Variants in STPG2 observed in about 807,000 individuals in gnomAD.
STPG2 encodes the protein sperm tail PG-rich repeat containing 2.
Under a neutral mutation model 54.2 loss-of-function variants are expected in STPG2, and 56 were observed. The ratio of observed to expected loss-of-function variants is 1.03; its 90% CI spans 0.83 to 1.29. The LOEUF (loss-of-function observed/expected upper bound fraction) is 1.29, where lower values mean the gene tolerates loss of function less well. STPG2 is among the 50% of genes most tolerant of loss of function. STPG2 has a pLI of 0.00. For synonymous variants in STPG2, 200 were observed against 181.8 expected, an observed-to-expected ratio of 1.10 and a Z score of -0.81; for missense variants, 596 against 544.9, an observed-to-expected ratio of 1.09 and a Z score of -0.93.
At chr4:97,695,776 T>C (rs1329133624) in intron 10 of STPG2, among the ~76,000 whole-genome samples, 1 of 150,498 alleles carries the variant, frequency 6.6e-6, no homozygotes, top group African/African-American at 2.4e-5. Flanking sequence ...AGAAACTACT[T>C]AGGAATATAT....
chr4:97,941,856 G>C (rs1732997059), intron 8 of STPG2, among the ~76,000 whole-genome samples: 1 of 151,852 alleles, frequency 6.6e-6, no homozygotes, highest in Non-Finnish European at 1.5e-5. Context: ...TTGCAAAAGA[G>C]ATTTAAAAAC....
chr4:97,459,159 T>C (rs1729596752), intron 4 of STPG2, among the ~76,000 whole-genome samples: 1 of 152,052 alleles, frequency 6.6e-6, no homozygotes, highest in Non-Finnish European at 1.5e-5. Context: ...AATTTATAAA[T>C]ATATGTGTAT....
At chr4:97,858,211 CAGATTTA>C (rs1729394283) in intron 8 of STPG2, among the ~76,000 whole-genome samples, 1 of 151,898 alleles carries the variant, frequency 6.6e-6, no homozygotes, top group Admixed American at 6.6e-5. Flanking sequence ...GAAATCCAAG[CAGATTTA>C]CTACAAACAA....
At chr4:97,715,913 C>T (rs963350013) in intron 9 of STPG2, among the ~76,000 whole-genome samples, 1 of 152,102 alleles carries the variant, frequency 6.6e-6, no homozygotes, top group East Asian at 1.9e-4. Context: ...AGGCAACCTA[C>T]AGAATTAGAG....
At chr4:97,989,870 T>C (rs1734953704) in intron 5 of STPG2, among the ~76,000 whole-genome samples, 2 of 152,202 alleles carry the variant, frequency 1.3e-5, no homozygotes, top group African/African-American at 4.8e-5. Flanking sequence ...CAGAATGGCA[T>C]GCAATTTTAA....
intron 9 of STPG2, among the ~76,000 whole-genome samples, chr4:97,719,453 T>G (rs1724383411): frequency 6.6e-6 from 1 of 151,998 alleles, no homozygotes; most frequent in Middle Eastern, 3.2e-3. Context: ...ATAAATCATA[T>G]TCTCTGAAAG....
chr4:98,083,634 T>C (rs1406614501), intron 5 of STPG2, among the ~76,000 whole-genome samples: 3 of 152,154 alleles, frequency 2.0e-5, no homozygotes, highest in African/African-American at 7.2e-5. Flanking sequence ...GATACCACAG[T>C]GAACAAAATA....
chr4:97,751,908 C>T (rs1725592055), intron 9 of STPG2, among the ~76,000 whole-genome samples: 1 of 151,646 alleles, frequency 6.6e-6, no homozygotes, highest in East Asian at 1.9e-4. Flanking sequence ...TCTAGGCATA[C>T]ACATAACCAT....
At chr4:97,895,451 A>G (rs1235626964) in intron 8 of STPG2, among the ~76,000 whole-genome samples, 3 of 151,920 alleles carry the variant, frequency 2.0e-5, no homozygotes, top group Non-Finnish European at 2.9e-5. Flanking sequence ...ATTAGCCAAT[A>G]CAAAATAAGT....
At chr4:97,981,644 T>G (rs1734679312) in intron 5 of STPG2, among the ~76,000 whole-genome samples, 2 of 151,568 alleles carry the variant, frequency 1.3e-5, no homozygotes, top group African/African-American at 4.8e-5. Flanking sequence ...CCAGTTAATA[T>G]AAATAAAAAA....
rs191083736 is a variant in STPG2 at position 98,024,067 on chromosome 4, G to T, written c.613-42749C>A. 1.8e-4 allele frequency among the ~76,000 whole-genome samples: 28 copies of T among 152,302 alleles called. 1 individual carries two copies. Among genetic ancestry groups the T allele is most frequent in the Admixed American group, 1.8e-3 (28 of 15,300 alleles). On this transcript the variant is annotated intron_variant, in intron 5 of 10. Transcript: ENST00000295268. The stretch of plus-strand genomic sequence containing the variant: ...TGCACCCACTGTCTGGCACTCCCTA[G>T]TGAGATGAACCTGGTACCTCAGATG...
chr4:97,839,668 T>C (rs1269970501), intron 9 of STPG2, among the ~76,000 whole-genome samples: 1 of 151,256 alleles, frequency 6.6e-6, no homozygotes, highest in Non-Finnish European at 1.5e-5. Context: ...GTGTAATAAC[T>C]CAAGAGAAGA....
At chr4:97,951,122 T>G (rs1413791287) in intron 7 of STPG2, among the ~76,000 whole-genome samples, 2 of 152,194 alleles carry the variant, frequency 1.3e-5, no homozygotes, top group African/African-American at 4.8e-5. Flanking sequence ...TGACTCCCTA[T>G]GATTTCATCT....
At chr4:97,779,031 C>A (rs150965175) in intron 9 of STPG2, among the ~76,000 whole-genome samples, 113 of 152,254 alleles carry the variant, frequency 7.4e-4, no homozygotes, top group African/African-American at 2.6e-3. Context: ...GCACCTCCTC[C>A]CCTGCAAAGG....
At chr4:97,889,811 G>C (rs1342183792) in intron 8 of STPG2, among the ~76,000 whole-genome samples, 1 of 152,054 alleles carries the variant, frequency 6.6e-6, no homozygotes, top group Non-Finnish European at 1.5e-5. Context: ...AATCCTAAGA[G>C]AGTGACATAC....
chr4:97,554,421 T>G (rs1284415738), downstream of STPG2, among the ~76,000 whole-genome samples: 3 of 152,148 alleles, frequency 2.0e-5, no homozygotes, highest in Admixed American at 6.5e-5. Flanking sequence ...TTTTTCTGAT[T>G]GTACAGTGTT....
At chr4:98,021,590 T>C (rs576471747) in intron 5 of STPG2, among the ~76,000 whole-genome samples, 3 of 152,280 alleles carry the variant, frequency 2.0e-5, no homozygotes, top group Non-Finnish European at 2.9e-5. Context: ...TTCTGTCTCA[T>C]TGATCGGTCT....
intron 4 of STPG2, among the ~76,000 whole-genome samples, chr4:97,481,963 T>C (rs980830206): frequency 6.6e-6 from 1 of 151,676 alleles, no homozygotes; most frequent in African/African-American, 2.4e-5. Context: ...ACAAATACAT[T>C]GATCTGTAAT....
chr4:97,890,039 T>G (rs374167864), intron 8 of STPG2, among the ~76,000 whole-genome samples: 1 of 152,138 alleles, frequency 6.6e-6, no homozygotes, highest in Non-Finnish European at 1.5e-5. Flanking sequence ...TTAAAGGCAA[T>G]CAGTTTTTCC....
Sources: gnomAD v4.1 joint callset for allele counts (sites outside exome capture counted in the v4.1 genomes callset) on GRCh38, gnomAD v4.1.1 for gene constraint, MANE v1.5 for transcripts, NCBI Gene and HGNC (gene_info 2026-07-23, HGNC 2026-07-21) for gene names.